Variants in GPR158 observed in about 807,000 individuals in gnomAD.
The protein encoded by GPR158 is G protein-coupled receptor 158, also known as metabotropic glycine receptor.
Under a neutral mutation model 78.2 loss-of-function variants are expected in GPR158, and 30 were observed. The observed-to-expected ratio is 0.38, with a 90% confidence interval of 0.29 to 0.52. The LOEUF is 0.52. Ranked by LOEUF, GPR158 falls within the 20% of genes least tolerant of loss-of-function variation. The pLI, the probability that GPR158 is intolerant of heterozygous loss-of-function variation, is 0.83. For synonymous variants in GPR158, 581 were observed against 591.1 expected (o/e 0.98, Z 0.25); for missense variants, 1,463 against 1,523.5 (o/e 0.96, Z 0.66).
chr10:25,198,729 A>T (rs1469719842), intron 1 of GPR158, among the ~76,000 whole-genome samples: 2 of 152,126 alleles, frequency 1.3e-5, no homozygotes, highest in Non-Finnish European at 2.9e-5. Flanking sequence ...AAGGCTGCGC[A>T]ATGGGTTACC....
intron 1 of GPR158, among the ~76,000 whole-genome samples, chr10:25,208,850 C>CTT (rs569632042): frequency 5.9e-5 from 8 of 135,072 alleles, no homozygotes; most frequent in East Asian, 4.2e-4. Flanking sequence ...TTCTTTCCTT[C>CTT]TTTTTTTTTT....
chr10:25,562,921 G>C (rs1390956608), intron 6 of GPR158, among the ~76,000 whole-genome samples: 1 of 152,112 alleles, frequency 6.6e-6, no homozygotes, highest in Non-Finnish European at 1.5e-5. Context: ...TCTCTCATCA[G>C]TTCTGTTCCT....
chr10:25,543,113 A>G (rs751355134), intron 5 of GPR158, among the ~76,000 whole-genome samples: 28 of 151,934 alleles, frequency 1.8e-4, no homozygotes, highest in Non-Finnish European at 3.7e-4. Flanking sequence ...AATACTTTTT[A>G]TTTTTTATTT....
At chr10:25,569,803 CT>C (rs1408051852) in intron 6 of GPR158, among the ~76,000 whole-genome samples, 1 of 152,154 alleles carries the variant, frequency 6.6e-6, no homozygotes, top group Non-Finnish European at 1.5e-5. Flanking sequence ...ATAATGTTAG[CT>C]ACTGCATATG....
rs11014569 is a variant in GPR158, at chr10:25,461,450, G to T, written c.1336-5201G>T. On this transcript the variant is annotated intron_variant, in intron 4 of 10. Transcript: ENST00000376351. ...GCCTTAAGCCAAAGCCTAATCCAAA[G>T]CAAGGGCCTAACTCTCTTCAATTCT... is the stretch of plus-strand genomic sequence containing the variant. Among the ~76,000 whole-genome samples, 7,390 of 152,220 alleles carry T rather than the reference G, an allele frequency of 0.049. 899 individuals are homozygous for T. In the East Asian group the frequency reaches 0.54, roughly 11 times the overall value.
At chr10:25,322,225 C>T (rs1779098835) in intron 2 of GPR158, among the ~76,000 whole-genome samples, 1 of 151,838 alleles carries the variant, frequency 6.6e-6, no homozygotes. Context: ...ACTAAAAATA[C>T]AAAAAATTAG....
intron 2 of GPR158, among the ~76,000 whole-genome samples, chr10:25,241,601 T>C (rs1278594638): frequency 4.6e-5 from 7 of 151,934 alleles, no homozygotes. Context: ...TTCGTATTTT[T>C]AGTAGAGATG....
At chr10:25,387,971 G>T (rs1834245228) in intron 2 of GPR158, among the ~76,000 whole-genome samples, 1 of 86,470 alleles carries the variant, frequency 1.2e-5, no homozygotes. Flanking sequence ...TTATATATCT[G>T]TTCTTTTTTA....
rs567320068 is a variant in GPR158, at chr10:25,504,184, C to T, written c.1404+37465C>T. Among the ~76,000 whole-genome samples the T allele has an allele frequency of 3.9e-5, 6 of 152,318 alleles. No individual in the cohort carries two copies. The South Asian group carries it at 1.0e-3, about 26-fold the overall frequency. On this transcript the variant is annotated intron_variant, in intron 5 of 10. Transcript: ENST00000376351. ...GGGATTACAGGCATGAGCCACCACA[C>T]CTGGCCCTATTTTACTACATTTTTA...
chr10:25,202,269 T>C (rs1331020551), intron 1 of GPR158, among the ~76,000 whole-genome samples: 1 of 152,128 alleles, frequency 6.6e-6, no homozygotes, highest in Admixed American at 6.6e-5. Context: ...TTTTTTTTTA[T>C]ACTTTAAGTT....
chr10:25,303,472 C>T (rs1263614974), intron 2 of GPR158, among the ~76,000 whole-genome samples: 1 of 152,058 alleles, frequency 6.6e-6, no homozygotes, highest in African/African-American at 2.4e-5. Context: ...ATGTGATTAT[C>T]GAATTTGTAG....
chr10:25,366,903 G>A (rs189638813), intron 2 of GPR158, among the ~76,000 whole-genome samples: 5 of 151,622 alleles, frequency 3.3e-5, no homozygotes, highest in African/African-American at 1.2e-4. Context: ...TTTCACATTG[G>A]CATGTCTATC....
rs200528473 is a variant in GPR158, at chr10:25,258,118, C to CA, written c.1008+36961_1008+36962insA. Among the ~76,000 whole-genome samples the CA allele has an allele frequency of 8.7e-3, 1,330 of 152,198 alleles. 48 individuals are homozygous for CA. Among genetic ancestry groups the CA allele is most frequent in the Admixed American group, 0.058 (881 of 15,276 alleles). On this transcript the variant is annotated intron_variant, in intron 2 of 10. Coordinates refer to ENST00000376351, the MANE Select transcript of GPR158 (RefSeq NM_020752.3). ...ACTACCAGATAACTTCACTTTGTGC[C>CA]CAGAGTCAAAGGGAAACATGTAAGC...
At chr10:25,240,713 GTA>G (rs1853592480) in intron 2 of GPR158, among the ~76,000 whole-genome samples, 1 of 152,172 alleles carries the variant, frequency 6.6e-6, no homozygotes, top group African/African-American at 2.4e-5. Context: ...GGATTCTTAT[GTA>G]ATAAGATATA....
chr10:25,201,740 G>GT (rs916427305), intron 1 of GPR158, among the ~76,000 whole-genome samples: 71 of 151,278 alleles, frequency 4.7e-4, no homozygotes, highest in African/African-American at 1.1e-3. Context: ...AGATGATCCT[G>GT]TTTTTTTTTA....
intron 2 of GPR158, among the ~76,000 whole-genome samples, chr10:25,252,967 T>C (rs1250261453): frequency 2.6e-3 from 399 of 151,954 alleles, no homozygotes; most frequent in Non-Finnish European, 4.2e-3. Context: ...ATCAGCGAGA[T>C]TCCGTGGGCG....
chr10:25,503,100 C>G (rs1423865425), intron 5 of GPR158, among the ~76,000 whole-genome samples: 1 of 151,840 alleles, frequency 6.6e-6, no homozygotes, highest in Non-Finnish European at 1.5e-5. Flanking sequence ...TTGAGGTCCA[C>G]GTGCAGTGGC....
chr10:25,272,286 T>G (rs2130744095), intron 2 of GPR158, among the ~76,000 whole-genome samples: 1 of 152,366 alleles, frequency 6.6e-6, no homozygotes. Context: ...ATGTATTGTT[T>G]TCTTATTTGC....
At chr10:25,374,732 G>A (rs967174469) in intron 2 of GPR158, among the ~76,000 whole-genome samples, 23 of 151,682 alleles carry the variant, frequency 1.5e-4, no homozygotes, top group African/African-American at 5.6e-4. Flanking sequence ...TCAATCGTGT[G>A]TTCCTTTTTT....
Sources: allele counts gnomAD v4.1 joint callset (sites outside exome capture counted in the v4.1 genomes callset), GRCh38; gene constraint gnomAD v4.1.1; transcripts MANE v1.5; gene names NCBI Gene and HGNC (gene_info 2026-07-23, HGNC 2026-07-21).